The following KCNMB2 variants were observed in gnomAD, a reference collection of about 807,000 sequenced individuals.
KCNMB2 encodes calcium-activated potassium channel subunit beta-2.
In KCNMB2, 9 loss-of-function variants were observed where a neutral mutation model predicts 24.5. The ratio of observed to expected loss-of-function variants is 0.37; its 90% CI spans 0.22 to 0.64. KCNMB2 has a LOEUF of 0.64. Ranked by LOEUF, KCNMB2 falls within the 30% of genes least tolerant of loss-of-function variation. The probability of loss-of-function intolerance (pLI) is 0.63; values close to 1 mark genes in which losing one functional copy is unlikely to be tolerated. For missense variants in KCNMB2, 226 were observed against 284.3 expected, an observed-to-expected ratio of 0.79 and a Z score of 1.47; for synonymous variants, 109 against 104.4, an observed-to-expected ratio of 1.04 and a Z score of -0.27.
intron 1 of KCNMB2, among the ~76,000 whole-genome samples, chr3:178,734,928 A>C (rs1319298063): frequency 6.6e-6 from 1 of 152,238 alleles, no homozygotes; most frequent in Non-Finnish European, 1.5e-5. Context: ...GCCAGCTAAG[A>C]TCTTTTCACC....
At chr3:178,565,216 T>A (rs986090837) in intron 1 of KCNMB2, among the ~76,000 whole-genome samples, 1 of 152,174 alleles carries the variant, frequency 6.6e-6, no homozygotes, top group African/African-American at 2.4e-5. Flanking sequence ...ACATCCTACC[T>A]TCTGCTGTTC....
chr3:178,803,235 T>G (rs934916962), intron 1 of KCNMB2, among the ~76,000 whole-genome samples: 3 of 152,218 alleles, frequency 2.0e-5, no homozygotes, highest in Admixed American at 6.5e-5. Context: ...AATGGCCCCA[T>G]CTGCTGCTCT....
intron 1 of KCNMB2, among the ~76,000 whole-genome samples, chr3:178,778,375 A>G (rs1159515121): frequency 6.6e-6 from 1 of 152,010 alleles, no homozygotes; most frequent in Admixed American, 6.6e-5. Context: ...TCAAAGCCAC[A>G]TGGTCAATAA....
chr3:178,548,182 T>C (rs1196766957), intron 1 of KCNMB2, among the ~76,000 whole-genome samples: 1 of 152,212 alleles, frequency 6.6e-6, no homozygotes, highest in Non-Finnish European at 1.5e-5. Context: ...AAGAATTATC[T>C]GGGGAGCTTT....
At chr3:178,815,674 T>G (rs1714378449) in intron 2 of KCNMB2, among the ~76,000 whole-genome samples, 2 of 152,164 alleles carry the variant, frequency 1.3e-5, no homozygotes, top group South Asian at 4.1e-4. Context: ...GTATTTCTTC[T>G]ATACCATTTA....
At chr3:178,759,363 C>A (rs866386275) in intron 1 of KCNMB2, among the ~76,000 whole-genome samples, 9 of 48,348 alleles carry the variant, frequency 1.9e-4, no homozygotes, top group South Asian at 1.2e-3. Flanking sequence ...ATATATATAT[C>A]TCCAAGAGGA....
At position 178,595,428 on chromosome 3, in the gene KCNMB2, C is replaced by T. The variant is rs564892763; in HGVS notation, c.-68+58717C>T. On this transcript the variant is annotated intron_variant, in intron 1 of 4. Coordinates refer to ENST00000452583, the MANE Select transcript of KCNMB2 (RefSeq NM_181361.3). The stretch of plus-strand genomic sequence containing the variant: ...CCGAGGTCCTGCTCATCCTTAGCTG[C>T]TGATATGGTTTGGCTGTGTCTCCAC... Among the ~76,000 whole-genome samples, 3 of 152,182 alleles carry T rather than the reference C, an allele frequency of 2.0e-5. No homozygotes were observed. The East Asian group carries it at 5.8e-4, about 30-fold the overall frequency.
chr3:178,667,116 C>T (rs34336693), intron 1 of KCNMB2, among the ~76,000 whole-genome samples: 39,553 of 151,640 alleles, frequency 0.26, 5,790 homozygotes, highest in African/African-American at 0.4. Context: ...AATCCATGGA[C>T]ATGGGGGGTC....
chr3:178,544,794 G>C (rs919330747), intron 1 of KCNMB2, among the ~76,000 whole-genome samples: 2 of 152,124 alleles, frequency 1.3e-5, no homozygotes, highest in African/African-American at 4.8e-5. Flanking sequence ...AGTAAAATAT[G>C]CAACTAAAAT....
chr3:178,621,172 A>G, intron 1 of KCNMB2, among the ~76,000 whole-genome samples: 1 of 152,204 alleles, frequency 6.6e-6, no homozygotes, highest in East Asian at 1.9e-4. Flanking sequence ...GCCCAAAACA[A>G]TAGAGCCTGA....
chr3:178,685,249 AG>A (rs1160407288), intron 1 of KCNMB2, among the ~76,000 whole-genome samples: 1 of 152,220 alleles, frequency 6.6e-6, no homozygotes, highest in African/African-American at 2.4e-5. Context: ...CTTGATAAAT[AG>A]GGGTGAAGGT....
intron 1 of KCNMB2, among the ~76,000 whole-genome samples, chr3:178,622,819 A>G (rs992753168): frequency 2.0e-5 from 3 of 152,224 alleles, no homozygotes; most frequent in African/African-American, 7.2e-5. Context: ...ACACAAACGT[A>G]GGATCCTTTA....
intron 1 of KCNMB2, among the ~76,000 whole-genome samples, chr3:178,763,137 G>T (rs1462501001): frequency 6.6e-6 from 1 of 152,152 alleles, no homozygotes; most frequent in Non-Finnish European, 1.5e-5. Context: ...TGAAAACTGT[G>T]GGAGGTTTGA....
intron 1 of KCNMB2, among the ~76,000 whole-genome samples, chr3:178,659,005 A>G (rs903613290): frequency 6.6e-6 from 1 of 152,230 alleles, no homozygotes; most frequent in African/African-American, 2.4e-5. Context: ...GGGCCTCAAC[A>G]GAAAGCCAAT....
At position 178,584,130 on chromosome 3, in the gene KCNMB2, C is replaced by T. The variant is rs9862587; in HGVS notation, c.-68+47419C>T. Among the ~76,000 whole-genome samples, 924 of 152,342 alleles carry T rather than the reference C, an allele frequency of 6.1e-3. 5 individuals carry two copies. The highest frequency in any genetic ancestry group is 0.02 in the African/African-American group (835 of 41,578). On this transcript the variant is annotated intron_variant, in intron 1 of 4. Transcript: ENST00000452583. The stretch of plus-strand genomic sequence containing the variant: ...GTTGTCCTAGCTGGCAGGGCTAACA[C>T]GTCTGCTTTAAAAAGATGATGAAAC...
intron 1 of KCNMB2, among the ~76,000 whole-genome samples, chr3:178,759,655 CCAAGAGGGATATATATATATA>C (rs1163434939): frequency 4.5e-4 from 43 of 95,252 alleles, no homozygotes; most frequent in Admixed American, 6.1e-4. Flanking sequence ...ATATATATCT[CCAAGAGGGATATATATATATA>C]TATCCAAGAG....
intron 4 of KCNMB2, among the ~76,000 whole-genome samples, chr3:178,841,179 T>A (rs1353917991): frequency 1.3e-5 from 2 of 152,254 alleles, no homozygotes; most frequent in Non-Finnish European, 2.9e-5. Flanking sequence ...CTAATCTCTT[T>A]GCTAAAGCAT....
chr3:178,606,469 ATTTCTTT>A (rs1718274095), intron 1 of KCNMB2, among the ~76,000 whole-genome samples: 1 of 79,060 alleles, frequency 1.3e-5, no homozygotes, highest in African/African-American at 8.2e-5. Context: ...CTTCTTTCCT[ATTTCTTT>A]TTTTTTTTTT....
chr3:178,769,924 C>T (rs1406139216), intron 1 of KCNMB2, among the ~76,000 whole-genome samples: 1 of 152,146 alleles, frequency 6.6e-6, no homozygotes, highest in Non-Finnish European at 1.5e-5. Context: ...CAAATGTAGT[C>T]TCTAGTAAAA....
Sources: allele counts gnomAD v4.1 joint callset (sites outside exome capture counted in the v4.1 genomes callset), GRCh38; gene constraint gnomAD v4.1.1; transcripts MANE v1.5; gene names NCBI Gene and HGNC (gene_info 2026-07-23, HGNC 2026-07-21).